The following ACOT1 variants were observed in gnomAD, a reference collection of about 807,000 sequenced individuals.
The protein encoded by ACOT1 is acyl-CoA thioesterase 1, also known as acyl-coenzyme A thioesterase 1.
In ACOT1, 8 loss-of-function variants were observed where a neutral mutation model predicts 15.7. That is an observed-to-expected ratio of 0.51 (90% CI 0.30 to 0.92). The LOEUF is 0.92. Among genes scored for constraint, ACOT1 ranks in the 40% least tolerant of loss-of-function variants. ACOT1 has a pLI of 0.06. For missense variants in ACOT1, 151 were observed against 539.4 expected, an observed-to-expected ratio of 0.28 and a Z score of 7.13; for synonymous variants, 67 against 241.2, an observed-to-expected ratio of 0.28 and a Z score of 6.69.
At chr14:73,496,954 G>A in the ACOT1 span, among the ~76,000 whole-genome samples, 2 of 152,158 alleles carry the variant, frequency 1.3e-5, no homozygotes, top group Non-Finnish European at 2.9e-5. Context: ...GCAATGGCAC[G>A]ATCTCGTCTC....
the ACOT1 span, chr14:73,519,040 T>G: frequency 1.9e-6 from 3 of 1,613,548 alleles, no homozygotes; most frequent in Non-Finnish European, 2.5e-6. Flanking sequence ...AGGAATTGCC[T>G]GGGCACTCCA....
At chr14:73,522,749 G>C in the ACOT1 span, 7 of 1,614,100 alleles carry the variant, frequency 4.3e-6, no homozygotes, top group Non-Finnish European at 5.9e-6. Flanking sequence ...TGTCTTCACA[G>C]CCAGGGAGGT....
the ACOT1 span, chr14:73,506,555 A>T: frequency 6.2e-7 from 1 of 1,613,094 alleles, no homozygotes; most frequent in African/African-American, 1.3e-5. Context: ...CACAGCAAGC[A>T]TGGTGTGTAT....
At chr14:73,497,196 A>G in the ACOT1 span, among the ~76,000 whole-genome samples, 2 of 151,424 alleles carry the variant, frequency 1.3e-5, no homozygotes, top group Non-Finnish European at 2.9e-5. Flanking sequence ...GCACCCGGCC[A>G]TGCCCGTCTA....
the ACOT1 span, among the ~76,000 whole-genome samples, chr14:73,516,964 T>C: frequency 4.6e-5 from 7 of 152,164 alleles, no homozygotes; most frequent in African/African-American, 7.2e-5. Context: ...GGACTGCCGA[T>C]CTAAAGGGAG....
chr14:73,524,306 AAAAAATATATATATAT>A, the ACOT1 span, among the ~76,000 whole-genome samples: 1 of 91,010 alleles, frequency 1.1e-5, no homozygotes, highest in Non-Finnish European at 2.1e-5. Flanking sequence ...AAAAAAAAAA[AAAAAATATATATATAT>A]ATATATATAT....
At chr14:73,499,664 A>T in the ACOT1 span, among the ~76,000 whole-genome samples, 1 of 152,300 alleles carries the variant, frequency 6.6e-6, no homozygotes, top group East Asian at 1.9e-4. Context: ...TGATTTTCTC[A>T]GTCTACAGAT....
the ACOT1 span, among the ~76,000 whole-genome samples, chr14:73,524,348 C>T: frequency 1.2e-4 from 16 of 128,040 alleles, no homozygotes; most frequent in East Asian, 4.4e-4. Flanking sequence ...ATAGCTGTAA[C>T]GTATTTTATC....
the ACOT1 span, chr14:73,496,617 T>C: frequency 6.2e-7 from 1 of 1,601,740 alleles, no homozygotes; most frequent in Non-Finnish European, 8.6e-7. Flanking sequence ...CTTGATCTCC[T>C]GAAGCATTTC....
At chr14:73,505,270 G>C in the ACOT1 span, among the ~76,000 whole-genome samples, 3 of 152,228 alleles carry the variant, frequency 2.0e-5, no homozygotes, top group African/African-American at 7.2e-5. Context: ...CTCTCTCTCT[G>C]AAAAGTTTTA....
At chr14:73,492,283 G>C in the ACOT1 span, 81 of 1,613,990 alleles carry the variant, frequency 5.0e-5, no homozygotes, top group Middle Eastern at 3.3e-4. The surrounding 1 kb of genome is among the most constrained non-coding windows in gnomAD (Gnocchi z 4.9). Flanking sequence ...CCTTGTCCAC[G>C]TACCAGCGCA....
the ACOT1 span, among the ~76,000 whole-genome samples, chr14:73,529,354 C>CAAAAAAAAAA: frequency 1.1e-5 from 1 of 87,426 alleles, no homozygotes; most frequent in Non-Finnish European, 2.2e-5. Context: ...GACTCTGTCT[C>CAAAAAAAAAA]AAAAAAAAAA....
the ACOT1 span, chr14:73,499,060 T>C: frequency 6.2e-7 from 1 of 1,612,582 alleles, no homozygotes; most frequent in Non-Finnish European, 8.5e-7. Context: ...GGGGCACTAC[T>C]TCTATAATAC....
the ACOT1 span, chr14:73,492,001 C>T: frequency 2.5e-6 from 4 of 1,614,018 alleles, no homozygotes; most frequent in East Asian, 2.2e-5. The surrounding 1 kb of genome is among the most constrained non-coding windows in gnomAD (Gnocchi z 4.9). Flanking sequence ...CCAACGTTTA[C>T]CTCACGCCCC....
the ACOT1 span, chr14:73,522,459 T>A: frequency 6.2e-7 from 1 of 1,614,080 alleles, no homozygotes; most frequent in Non-Finnish European, 8.5e-7. Context: ...CTCTGCCACT[T>A]GTTGGGGGAT....
chr14:73,515,579 C>T, the ACOT1 span, among the ~76,000 whole-genome samples: 1 of 143,016 alleles, frequency 7.0e-6, no homozygotes, highest in African/African-American at 2.6e-5. Context: ...ACTCGGGATG[C>T]TGAAGCAGAA....
At chr14:73,526,051 G>A in the ACOT1 span, among the ~76,000 whole-genome samples, 1 of 151,940 alleles carries the variant, frequency 6.6e-6, no homozygotes, top group Non-Finnish European at 1.5e-5. Context: ...CACTGAAGAG[G>A]GTGGGAAAGA....
the ACOT1 span, chr14:73,498,209 A>G: frequency 3.7e-6 from 6 of 1,613,964 alleles, no homozygotes. Flanking sequence ...GGTGTCCCTG[A>G]CCCGGTCCCC....
chr14:73,506,005 C>T, the ACOT1 span, among the ~76,000 whole-genome samples: 1 of 151,334 alleles, frequency 6.6e-6, no homozygotes, highest in Admixed American at 6.6e-5. Flanking sequence ...ATTCTCCTGC[C>T]TCAGCCTCCC....
Sources: gnomAD v4.1 joint callset for allele counts (sites outside exome capture counted in the v4.1 genomes callset) on GRCh38, gnomAD v4.1.1 for gene constraint, Gnocchi (gnomAD v3.1) non-coding constraint, MANE v1.5 for transcripts, NCBI Gene and HGNC (gene_info 2026-07-23, HGNC 2026-07-21) for gene names.